The following HSPA14 variants were observed in gnomAD, a reference collection of about 807,000 sequenced individuals.
The protein encoded by HSPA14 is heat shock protein family A (Hsp70) member 14, also known as heat shock 70 kDa protein 14.
A neutral mutation model predicts 65.5 loss-of-function variants in HSPA14; 37 were observed. The ratio of observed to expected loss-of-function variants is 0.56; its 90% CI spans 0.43 to 0.74. The LOEUF is 0.74. HSPA14 is among the 30% of genes least tolerant of loss of function. The probability of loss-of-function intolerance (pLI) is 0.00; values close to 1 mark genes in which losing one functional copy is unlikely to be tolerated. For missense variants in HSPA14, 564 were observed against 607.6 expected, an observed-to-expected ratio of 0.93 and a Z score of 0.75; for synonymous variants, 203 against 214.2, an observed-to-expected ratio of 0.95 and a Z score of 0.46.
chr10:14,838,641 C>T lies in HSPA14; in HGVS notation c.57+182C>T, dbSNP rs2305434. ...CCGGCCTCGCGCCTGGCGATTCCTC[C>T]GGAAAGTCGTCTACTCCGCGGCGGA... On this transcript the variant is annotated intron_variant, in intron 1 of 13. Coordinates refer to ENST00000378372, the MANE Select transcript of HSPA14 (RefSeq NM_016299.4). 3.6e-4 allele frequency: 207 copies of T among 581,384 alleles called. 3 individuals are homozygous for T. The East Asian group carries it at 4.8e-3, about 14-fold the overall frequency. The allele number at this position is 581,384 out of a possible 1,614,324, so 36.0% of individuals were successfully genotyped here.
intron 8 of HSPA14, among the ~76,000 whole-genome samples, chr10:14,853,325 T>A (rs1834122196): frequency 6.6e-6 from 1 of 152,210 alleles, no homozygotes; most frequent in Admixed American, 6.5e-5. Flanking sequence ...ATGTGTCAAA[T>A]TTTTTTGAAG....
chr10:14,840,561 C>T (rs899891643), intron 3 of HSPA14, among the ~76,000 whole-genome samples: 4 of 152,196 alleles, frequency 2.6e-5, no homozygotes, highest in African/African-American at 9.7e-5. Flanking sequence ...TTTTCTTCCT[C>T]AGGATCTTTT....
chr10:14,842,909 T>C lies in HSPA14; in HGVS notation c.221+2752T>C, dbSNP rs1833993845. ...TCTTGTGGCTCTAAACATTTAGCTGTGTCTGTTTGGATAGTGTCCTCTTCA... is the reference window on the plus strand; with the variant it reads ...TCTTGTGGCTCTAAACATTTAGCTGCGTCTGTTTGGATAGTGTCCTCTTCA... On this transcript the variant is annotated intron_variant, in intron 3 of 13. Coordinates refer to ENST00000378372, the MANE Select transcript of HSPA14 (RefSeq NM_016299.4). This position sits in a 1 kb window ranked among gnomAD's most constrained non-coding sequence, Gnocchi z 5.2. 1.7e-6 allele frequency: 2 copies of C among 1,177,390 alleles called. No homozygotes were observed. The highest frequency in any genetic ancestry group is 2.3e-6 in the Non-Finnish European group (2 of 853,258). The allele number at this position is 1,177,390 out of a possible 1,614,324, so 72.9% of individuals were successfully genotyped here.
intron 10 of HSPA14, among the ~76,000 whole-genome samples, chr10:14,860,403 A>G (rs574533262): frequency 3.3e-4 from 50 of 152,336 alleles, no homozygotes; most frequent in African/African-American, 1.0e-3. Flanking sequence ...TGAAACAGAT[A>G]AAATAATGCC....
intron 8 of HSPA14, among the ~76,000 whole-genome samples, chr10:14,853,548 A>AT (rs1353789887): frequency 6.6e-6 from 1 of 152,178 alleles, no homozygotes; most frequent in Non-Finnish European, 1.5e-5. Flanking sequence ...CAATTATATA[A>AT]TGCAGCAGTT....
At chr10:14,838,668 G>A in intron 1 of HSPA14, 1 of 526,114 alleles carries the variant, frequency 1.9e-6, no homozygotes, top group Non-Finnish European at 3.3e-6. Context: ...CGCGGCGGAG[G>A]CTCGCGGCGA....
rs1832855222 is a variant in HSPA14, at chr10:14,871,621, C to A, written c.*15C>A. The A allele has an allele frequency of 4.2e-6, 6 of 1,442,302 alleles. No individual in the cohort carries two copies. Among genetic ancestry groups the A allele is most frequent in the South Asian group, 2.5e-5 (2 of 81,536 alleles). The allele number at this position is 1,442,302 out of a possible 1,614,324, so 89.3% of individuals were successfully genotyped here. A position where few individuals can be genotyped will look rare whatever the true frequency, so the allele number is the denominator to read the frequency against. On this transcript the variant is annotated 3_prime_UTR_variant, in exon 14 of 14. Coordinates refer to ENST00000378372, the MANE Select transcript of HSPA14 (RefSeq NM_016299.4). ...TAGCATCTTAGTGTTTTAGAGAAATCAAGAATTTTTAAAAACAAGAATATC... is the reference window on the plus strand; with the variant it reads ...TAGCATCTTAGTGTTTTAGAGAAATAAAGAATTTTTAAAAACAAGAATATC...
chr10:14,867,659 C>G (rs1832818940), intron 11 of HSPA14, 77 bp from the exon 12 acceptor site: 1 of 1,257,886 alleles, frequency 7.9e-7, no homozygotes, highest in South Asian at 1.4e-5. Context: ...GAATATATAT[C>G]TCATTTATAA....
At chr10:14,849,931 T>C in intron 6 of HSPA14, 120 bp downstream of exon 6, 2 of 637,154 alleles carry the variant, frequency 3.1e-6, no homozygotes, top group Non-Finnish European at 5.4e-6. Context: ...TGTAAATAAT[T>C]TAGTAAGGTA....
chr10:14,845,750 C>T (rs1221709182), intron 3 of HSPA14: 5 of 174,462 alleles, frequency 2.9e-5, no homozygotes, highest in African/African-American at 4.8e-5. Context: ...TTAGTAGAGA[C>T]GGGGTTTCAC....
intron 10 of HSPA14, among the ~76,000 whole-genome samples, chr10:14,863,597 G>A (rs1832775880): frequency 6.6e-6 from 1 of 152,068 alleles, no homozygotes. Flanking sequence ...CCTTCTTCTT[G>A]TGTCCACAGA....
intron 8 of HSPA14, among the ~76,000 whole-genome samples, chr10:14,853,441 G>C (rs1340017335): frequency 6.6e-6 from 1 of 152,146 alleles, no homozygotes; most frequent in Admixed American, 6.5e-5. Flanking sequence ...AGACTTTGAC[G>C]CTCTTACATA....
chr10:14,852,343 G>T lies in HSPA14; in HGVS notation c.573-27G>T, dbSNP rs576506930. ...ACTTAGTTTTAAAATGTTATTCCCT[G>T]ATAACTTACTTTATCTTCTCTTGAA... On this transcript the variant is annotated intron_variant, in intron 7 of 13. Coordinates refer to ENST00000378372, the MANE Select transcript of HSPA14 (RefSeq NM_016299.4). 15 of 1,593,532 alleles carry T rather than the reference G, an allele frequency of 9.4e-6. No homozygotes were observed. In the Admixed American group the frequency reaches 2.2e-4, roughly 23 times the overall value.
Position 14,842,384 on chromosome 10 carries a change from C to G in HSPA14, c.221+2227C>G. The G allele has an allele frequency of 1.2e-5, 19 of 1,536,160 alleles. No homozygotes were observed. The highest frequency in any genetic ancestry group is 1.7e-5 in the Non-Finnish European group (19 of 1,146,914). ...CGAGGCAGAGTATATTCAGCGCCTC[C>G]AGACTGTGCATCACAATGCAGATGT... On this transcript the variant is annotated intron_variant, in intron 3 of 13. Coordinates refer to ENST00000378372, the MANE Select transcript of HSPA14 (RefSeq NM_016299.4). The surrounding 1 kb of genome is among the most constrained non-coding windows in gnomAD (Gnocchi z 5.2).
At chr10:14,839,194 A>G (rs914461682) in intron 1 of HSPA14, among the ~76,000 whole-genome samples, 1 of 152,090 alleles carries the variant, frequency 6.6e-6, no homozygotes, top group African/African-American at 2.4e-5. Flanking sequence ...ATAATCATGA[A>G]CTCCGTTGCC....
intron 10 of HSPA14, among the ~76,000 whole-genome samples, chr10:14,862,000 G>C (rs1444891761): frequency 6.7e-6 from 1 of 148,378 alleles, no homozygotes; most frequent in Non-Finnish European, 1.5e-5. Flanking sequence ...AACAGAGTGA[G>C]ACTCTGTCTC....
At chr10:14,862,308 G>A (rs1413648959) in intron 10 of HSPA14, among the ~76,000 whole-genome samples, 2 of 149,538 alleles carry the variant, frequency 1.3e-5, no homozygotes, top group Admixed American at 6.7e-5. Flanking sequence ...GATGACAGGC[G>A]TGAGCCACAG....
At chr10:14,844,692 T>C (rs1001822972) in intron 3 of HSPA14, 6 of 972,230 alleles carry the variant, frequency 6.2e-6, no homozygotes, top group Non-Finnish European at 6.1e-6. Flanking sequence ...TAATCTTCAA[T>C]ATAAAATACT....
intron 10 of HSPA14, among the ~76,000 whole-genome samples, chr10:14,859,088 T>C (rs148709967): frequency 0.013 from 1,949 of 152,296 alleles, 39 homozygotes; most frequent in African/African-American, 0.045. Context: ...TACTCTTGAA[T>C]GTGCAGACTT....
Sources: allele counts gnomAD v4.1 joint callset (sites outside exome capture counted in the v4.1 genomes callset), GRCh38; gene constraint gnomAD v4.1.1; non-coding constraint Gnocchi (gnomAD v3.1); transcripts MANE v1.5; gene names NCBI Gene and HGNC (gene_info 2026-07-23, HGNC 2026-07-21).